Variants in MAP3K13 observed in about 807,000 individuals in gnomAD.
The protein encoded by MAP3K13 is leucine zipper-bearing kinase.
A neutral mutation model predicts 104.0 loss-of-function variants in MAP3K13; 52 were observed. That is an observed-to-expected ratio of 0.50 (90% CI 0.40 to 0.63). The LOEUF (loss-of-function observed/expected upper bound fraction) is 0.63. MAP3K13 is among the 20% of genes least tolerant of loss of function. The pLI is 0.00. For synonymous variants in MAP3K13, 394 were observed against 442.2 expected, an observed-to-expected ratio of 0.89 and a Z score of 1.37; for missense variants, 914 against 1,218.5, an observed-to-expected ratio of 0.75 and a Z score of 3.72.
intron 7 of MAP3K13, among the ~76,000 whole-genome samples, chr3:185,463,279 C>T (rs1399829443): frequency 6.6e-6 from 1 of 152,186 alleles, no homozygotes; most frequent in East Asian, 1.9e-4. Context: ...AGCATGCCGG[C>T]TGTGATGTTC....
rs951779714 is a variant in MAP3K13 at position 185,315,941 on chromosome 3, G to T, written c.-86+30298G>T. Among the ~76,000 whole-genome samples, 14 of 152,118 alleles carry T rather than the reference G, an allele frequency of 9.2e-5. No homozygotes were observed. The highest frequency in any genetic ancestry group is 3.4e-4 in the African/African-American group (14 of 41,434). On this transcript the variant is annotated intron_variant, in intron 2 of 14. Coordinates refer to the MAP3K13 transcript ENST00000424227. The surrounding 1 kb of genome is among the most constrained non-coding windows in gnomAD (Gnocchi z 4.3). ...ATTTATGAGTCATTAAGGTATAGAAGATCAATTAGAGAAAGCCCTGAACAG... is the reference window on the plus strand; with the variant it reads ...ATTTATGAGTCATTAAGGTATAGAATATCAATTAGAGAAAGCCCTGAACAG...
chr3:185,361,098 A>ATATGTGTGTG (rs1419574006), upstream of MAP3K13, among the ~76,000 whole-genome samples: 19 of 146,688 alleles, frequency 1.3e-4, no homozygotes, highest in African/African-American at 4.5e-4. Context: ...ATATATATAT[A>ATATGTGTGTG]TGTGTGTGTG....
chr3:185,297,579 AC>A (rs1346960191), intron 2 of MAP3K13, among the ~76,000 whole-genome samples: 1 of 152,086 alleles, frequency 6.6e-6, no homozygotes, highest in Non-Finnish European at 1.5e-5. Flanking sequence ...TACTAATAAT[AC>A]AAAAATCAGC....
intron 1 of MAP3K13, among the ~76,000 whole-genome samples, chr3:185,428,120 T>A (rs1714534016): frequency 6.6e-6 from 1 of 152,028 alleles, no homozygotes; most frequent in Non-Finnish European, 1.5e-5. Context: ...AACAGAATGC[T>A]TAGAATACCT....
intron 12 of MAP3K13, 148 bp from the exon 13 acceptor site, chr3:185,480,084 T>TA: frequency 1.3e-6 from 1 of 750,466 alleles, no homozygotes; most frequent in Non-Finnish European, 2.2e-6. Context: ...TGTTAAAAGT[T>TA]AAATAGTTTC....
rs1212029488 is a variant in MAP3K13, at chr3:185,455,522, GAT to G, written c.1278+4134_1278+4135del. Among the ~76,000 whole-genome samples the G allele has an allele frequency of 1.2e-4, 4 of 32,580 alleles. 1 individual carries two copies. Among genetic ancestry groups the G allele is most frequent in the African/African-American group, 3.0e-4 (4 of 13,238 alleles). The allele number at this position is 32,580 out of a possible 152,430, so 21.4% of individuals were successfully genotyped here. On this transcript the variant is annotated intron_variant, in intron 7 of 13. Coordinates refer to ENST00000265026, the MANE Select transcript of MAP3K13 (RefSeq NM_004721.5). ...CATGAGATATATATGAGATATATAT[GAT>G]ATATATGAGATATATATGACATATA...
intron 1 of MAP3K13, among the ~76,000 whole-genome samples, chr3:185,419,598 T>A (rs1714005124): frequency 6.6e-6 from 1 of 152,332 alleles, no homozygotes; most frequent in Non-Finnish European, 1.5e-5. Flanking sequence ...ATACACATTT[T>A]AAATTTTTAT....
At chr3:185,303,132 T>C (rs933747610) in intron 2 of MAP3K13, among the ~76,000 whole-genome samples, 25 of 152,208 alleles carry the variant, frequency 1.6e-4, no homozygotes, top group Admixed American at 1.6e-3. Context: ...TGGTATATTA[T>C]ATTGATTGAT....
intron 1 of MAP3K13, among the ~76,000 whole-genome samples, chr3:185,386,417 G>T (rs1008131692): frequency 1.3e-5 from 2 of 152,158 alleles, no homozygotes; most frequent in African/African-American, 4.8e-5. Flanking sequence ...AACAACTGAT[G>T]CTGGCAAGGT....
At chr3:185,455,859 A>G (rs1473181974) in intron 7 of MAP3K13, among the ~76,000 whole-genome samples, 1 of 67,516 alleles carries the variant, frequency 1.5e-5, no homozygotes, top group Non-Finnish European at 3.7e-5. Context: ...TATATGAGAT[A>G]TATATGAGAT....
chr3:185,331,089 T>A lies in MAP3K13; in HGVS notation c.-86+45446T>A, dbSNP rs200325080. ...ACACTTTTTTTCTTTTAACCTAATTTACCTTTTTTTTTTTTTTTTTTGAGA... is the reference window on the plus strand; with the variant it reads ...ACACTTTTTTTCTTTTAACCTAATTAACCTTTTTTTTTTTTTTTTTTGAGA... On this transcript the variant is annotated intron_variant, in intron 2 of 14. Coordinates refer to the MAP3K13 transcript ENST00000424227. Among the ~76,000 whole-genome samples the A allele has an allele frequency of 5.0e-4, 52 of 105,044 alleles. 1 individual carries two copies. The highest frequency in any genetic ancestry group is 2.6e-3 in the East Asian group (8 of 3,108). 68.9% of individuals were successfully genotyped at this position (105,044 alleles called of 152,430 possible). A position where few individuals can be genotyped will look rare whatever the true frequency, so the allele number is the denominator to read the frequency against.
At chr3:185,442,954 T>G (rs994922469) in intron 3 of MAP3K13, among the ~76,000 whole-genome samples, 3 of 152,138 alleles carry the variant, frequency 2.0e-5, no homozygotes, top group African/African-American at 7.2e-5. Context: ...GTTCTCTGCC[T>G]CAGTCTCCTG....
chr3:185,480,814 T>C (rs1718404140), intron 13 of MAP3K13, among the ~76,000 whole-genome samples: 1 of 152,118 alleles, frequency 6.6e-6, no homozygotes. Flanking sequence ...TGTCTTCACA[T>C]GGTGGTAGGA....
At chr3:185,447,712 T>C in intron 4 of MAP3K13, 77 bp from the exon 5 acceptor site, 1 of 1,153,320 alleles carries the variant, frequency 8.7e-7, no homozygotes, top group Non-Finnish European at 1.2e-6. Flanking sequence ...GATAAAGTCT[T>C]CAGTTTCAGC....
At chr3:185,350,671 C>A (rs924907957) in intron 2 of MAP3K13, among the ~76,000 whole-genome samples, 4 of 151,994 alleles carry the variant, frequency 2.6e-5, no homozygotes, top group Admixed American at 6.6e-5. Flanking sequence ...CAATAAGATA[C>A]CATCTCACAC....
chr3:185,340,031 G>A (rs1005007394), intron 2 of MAP3K13, among the ~76,000 whole-genome samples: 2 of 151,926 alleles, frequency 1.3e-5, no homozygotes, highest in Non-Finnish European at 1.5e-5. Context: ...GGTAAGGGGT[G>A]GAGGGGAGGT....
chr3:185,372,703 C>T (rs6793995), intron 1 of MAP3K13, among the ~76,000 whole-genome samples: 125,393 of 152,128 alleles, frequency 0.82, 52,726 homozygotes, highest in Non-Finnish European at 0.91. Context: ...TTCTTATAAA[C>T]AGCCCTTATC....
At chr3:185,397,820 A>G (rs559750035) in intron 1 of MAP3K13, among the ~76,000 whole-genome samples, 2 of 152,126 alleles carry the variant, frequency 1.3e-5, no homozygotes, top group South Asian at 2.1e-4. Context: ...GGGCTTTTTT[A>G]TATTCCTGTC....
chr3:185,464,927 C>A (rs777048001), intron 8 of MAP3K13, among the ~76,000 whole-genome samples: 62 of 152,112 alleles, frequency 4.1e-4, no homozygotes, highest in Admixed American at 8.5e-4. Context: ...TAAGGGGACT[C>A]ATCTCATTGA....
Sources: gnomAD v4.1 joint callset for allele counts (sites outside exome capture counted in the v4.1 genomes callset) on GRCh38, gnomAD v4.1.1 for gene constraint, Gnocchi (gnomAD v3.1) non-coding constraint, MANE v1.5 for transcripts, NCBI Gene and HGNC (gene_info 2026-07-23, HGNC 2026-07-21) for gene names.